The following FAM135B variants were observed in gnomAD, a reference collection of about 807,000 sequenced individuals.
The protein encoded by FAM135B is family with sequence similarity 135 member B.
FAM135B carries 43 observed loss-of-function variants against 127.7 expected under a neutral mutation model. The observed-to-expected ratio is 0.34, with a 90% confidence interval of 0.26 to 0.43. The LOEUF is 0.43. FAM135B is among the 20% of genes least tolerant of loss of function. The pLI is 1.00. For missense variants in FAM135B, 1,558 were observed against 1,725.6 expected (o/e 0.90, Z 1.72); for synonymous variants, 670 against 665.1 (o/e 1.01, Z -0.11).
chr8:138,469,481 G>T (rs1837561845), intron 1 of FAM135B, among the ~76,000 whole-genome samples: 1 of 152,134 alleles, frequency 6.6e-6, no homozygotes, highest in African/African-American at 2.4e-5. Flanking sequence ...CAGGGTGTGT[G>T]TGTGACATCT....
At chr8:138,408,880 G>A (rs556545420) in intron 1 of FAM135B, among the ~76,000 whole-genome samples, 1 of 152,248 alleles carries the variant, frequency 6.6e-6, no homozygotes, top group South Asian at 2.1e-4. Context: ...GGGACACAGA[G>A]CCAAAACATA....
Position 138,153,157 on chromosome 8 carries a change from T to A in FAM135B, c.1318A>T (p.Asn440Tyr), listed in dbSNP as rs1818343665. 1 of 1,610,250 alleles carries A rather than the reference T, an allele frequency of 6.2e-7. No individual in the cohort carries two copies. Among genetic ancestry groups the A allele is most frequent in the Non-Finnish European group, 8.5e-7 (1 of 1,177,082 alleles). ...CAGTTATCTTCCTTGTCTTTCAGAT[T>A]CATTATTGTAGGACTTGTCACTGGA... Reference protein sequence around the residue: ...DVPVTSPTIMNLKDKEDNCMV... With the variant: ...DVPVTSPTIMYLKDKEDNCMV... Residue 440 changes from asparagine to tyrosine, a missense_variant, in exon 13 of 20, where the codon AAT (asparagine) becomes TAT (tyrosine). Physicochemically the swap from Asn to Tyr is moderately radical, Grantham distance 143. Transcript: ENST00000395297.
In FAM135B at chr8:138,489,598, C is replaced by T. The variant is rs147712262; in HGVS notation, c.-20+7073G>A. Among the ~76,000 whole-genome samples the T allele has an allele frequency of 2.7e-3, 407 of 152,254 alleles. 1 individual carries two copies. Among genetic ancestry groups the T allele is most frequent in the African/African-American group, 9.5e-3 (393 of 41,540 alleles). Reference sequence around the variant, plus strand: ...CATCTCCCAGTTTAAGATCTTTCCACCCCTCCCATTAGCTTCCAGATAAAG... The same window carrying T: ...CATCTCCCAGTTTAAGATCTTTCCATCCCTCCCATTAGCTTCCAGATAAAG... On this transcript the variant is annotated intron_variant, in intron 1 of 19. Coordinates refer to ENST00000395297, the MANE Select transcript of FAM135B (RefSeq NM_015912.4).
chr8:138,399,156 C>G (rs978667542), intron 1 of FAM135B, among the ~76,000 whole-genome samples: 1 of 152,168 alleles, frequency 6.6e-6, no homozygotes, highest in Non-Finnish European at 1.5e-5. Flanking sequence ...CTGGGACAGT[C>G]TCAGTTAATA....
intron 6 of FAM135B, among the ~76,000 whole-genome samples, chr8:138,244,569 C>A (rs552279216): frequency 2.3e-4 from 35 of 152,330 alleles, no homozygotes; most frequent in African/African-American, 8.2e-4. Flanking sequence ...TAGGAGCTAT[C>A]TGTTGCTAAT....
At chr8:138,174,309 G>C (rs1305545921) in intron 11 of FAM135B, among the ~76,000 whole-genome samples, 1 of 152,144 alleles carries the variant, frequency 6.6e-6, no homozygotes, top group Admixed American at 6.5e-5. Flanking sequence ...TGTCCATCCT[G>C]ATTTGGGAGT....
At chr8:138,368,064 C>T (rs1830870440) in intron 1 of FAM135B, 62 bp from the exon 2 acceptor site, 3 of 1,216,788 alleles carry the variant, frequency 2.5e-6, no homozygotes, top group Admixed American at 1.7e-5. Flanking sequence ...AAGAACCTGG[C>T]TTTTACAACA....
intron 1 of FAM135B, among the ~76,000 whole-genome samples, chr8:138,378,416 A>T (rs150572262): frequency 7.0e-4 from 106 of 152,358 alleles, no homozygotes; most frequent in African/African-American, 2.5e-3. Context: ...CCCAACTGCA[A>T]GTTGCTTTGG....
intron 1 of FAM135B, among the ~76,000 whole-genome samples, chr8:138,462,282 A>G (rs1837170325): frequency 6.6e-6 from 1 of 152,084 alleles, no homozygotes; most frequent in Non-Finnish European, 1.5e-5. Context: ...GGGACAACAC[A>G]TTGTTCCATT....
chr8:138,154,122 G>T, intron 12 of FAM135B, among the ~76,000 whole-genome samples: 1 of 152,314 alleles, frequency 6.6e-6, no homozygotes, highest in East Asian at 1.9e-4. Flanking sequence ...AACATTTGCT[G>T]TTCTGTAATA....
chr8:138,367,900 T>C lies in FAM135B; in HGVS notation c.77+7A>G, dbSNP rs944519153. On this transcript the variant is annotated splice_region_variant and intron_variant, in intron 2 of 19. Transcript: ENST00000395297. ...ACACACACACACAAATTGTAAAGCA[T>C]ACTTACCCTCTCTGAAAGAGATCCA... 2 of 1,588,970 alleles carry C rather than the reference T, an allele frequency of 1.3e-6. No homozygotes were observed. The highest frequency in any genetic ancestry group is 1.7e-6 in the Non-Finnish European group (2 of 1,158,780).
chr8:138,334,047 C>T (rs753352130), intron 2 of FAM135B, among the ~76,000 whole-genome samples: 8 of 152,156 alleles, frequency 5.3e-5, no homozygotes, highest in South Asian at 2.1e-4. Flanking sequence ...CTCAGCCTCC[C>T]GAGTAGCTGG....
At chr8:138,261,258 G>A (rs765593003) in intron 4 of FAM135B, among the ~76,000 whole-genome samples, 1 of 152,094 alleles carries the variant, frequency 6.6e-6, no homozygotes, top group Non-Finnish European at 1.5e-5. Context: ...CTGTGATGCC[G>A]GTGCACCAAG....
intron 2 of FAM135B, among the ~76,000 whole-genome samples, chr8:138,334,928 T>C (rs1828454195): frequency 6.6e-6 from 1 of 152,210 alleles, no homozygotes; most frequent in Admixed American, 6.5e-5. Flanking sequence ...GGATTCAGTG[T>C]GTCCAGCAGA....
At chr8:138,261,958 T>C (rs1408042255) in intron 4 of FAM135B, among the ~76,000 whole-genome samples, 2 of 152,250 alleles carry the variant, frequency 1.3e-5, no homozygotes, top group Non-Finnish European at 2.9e-5. Context: ...ATTCCAAATA[T>C]ACAGTGTTTA....
intron 4 of FAM135B, among the ~76,000 whole-genome samples, chr8:138,259,807 A>C (rs988132681): frequency 6.6e-6 from 1 of 152,162 alleles, no homozygotes; most frequent in Non-Finnish European, 1.5e-5. Context: ...TATTCCAGAC[A>C]AAAAAATCAG....
intron 3 of FAM135B, among the ~76,000 whole-genome samples, chr8:138,290,049 G>A (rs1272959005): frequency 6.6e-6 from 1 of 152,198 alleles, no homozygotes; most frequent in African/African-American, 2.4e-5. Flanking sequence ...CCAGAGCCTT[G>A]AGATGAGCAT....
intron 3 of FAM135B, among the ~76,000 whole-genome samples, chr8:138,273,384 T>C (rs1003163615): frequency 3.3e-5 from 5 of 152,290 alleles, no homozygotes; most frequent in African/African-American, 1.2e-4. Flanking sequence ...TTTTGTATTT[T>C]TAGTAGAGAC....
intron 12 of FAM135B, 42 bp downstream of exon 12, chr8:138,167,853 A>G: frequency 6.4e-7 from 1 of 1,555,378 alleles, no homozygotes; most frequent in East Asian, 2.3e-5. Context: ...ATCCCACTGG[A>G]AAGCCTTATT....
Sources: gnomAD v4.1 joint callset for allele counts (sites outside exome capture counted in the v4.1 genomes callset) on GRCh38, gnomAD v4.1.1 for gene constraint, MANE v1.5 for transcripts, NCBI Gene and HGNC (gene_info 2026-07-23, HGNC 2026-07-21) for gene names.